The following ALMS1 variants were observed in gnomAD, a reference collection of about 807,000 sequenced individuals.
ALMS1 encodes centrosome-associated protein ALMS1.
In ALMS1, 271 loss-of-function variants were observed where a neutral mutation model predicts 352.2. The ratio of observed to expected loss-of-function variants is 0.77; its 90% CI spans 0.70 to 0.85. The LOEUF is 0.85. ALMS1 is among the 40% of genes least tolerant of loss of function. ALMS1 has a pLI of 0.00. For missense variants in ALMS1, 5,445 were observed against 4,870.7 expected (o/e 1.12, Z -3.51); for synonymous variants, 1,865 against 1,761.2 (o/e 1.06, Z -1.48).
chr2:73,549,488 T>A (rs952820666), intron 12 of ALMS1, among the ~76,000 whole-genome samples: 3 of 152,220 alleles, frequency 2.0e-5, no homozygotes, highest in African/African-American at 7.2e-5. Flanking sequence ...TTTTTTAATA[T>A]CTTCTACCAC....
chr2:73,393,184 A>G (rs1189235571), intron 1 of ALMS1, among the ~76,000 whole-genome samples: 1 of 146,070 alleles, frequency 6.8e-6, no homozygotes, highest in Non-Finnish European at 1.5e-5. Flanking sequence ...ATATATGCAT[A>G]TTACATATAT....
At chr2:73,571,959 G>A (rs901366217) in intron 15 of ALMS1, among the ~76,000 whole-genome samples, 3 of 152,066 alleles carry the variant, frequency 2.0e-5, no homozygotes, top group Non-Finnish European at 2.9e-5. Context: ...CACAGAACAG[G>A]TGGTAAATAC....
At chr2:73,413,653 G>A (rs933433798) in intron 2 of ALMS1, among the ~76,000 whole-genome samples, 2 of 152,108 alleles carry the variant, frequency 1.3e-5, no homozygotes, top group South Asian at 2.1e-4. Context: ...ACTGAGAACC[G>A]CTTTTTCAGA....
chr2:73,540,389 C>T (rs917209978), intron 12 of ALMS1, among the ~76,000 whole-genome samples: 2 of 152,174 alleles, frequency 1.3e-5, no homozygotes, highest in Admixed American at 6.5e-5. Context: ...TGGAAAGGAA[C>T]AACTGGTACC....
intron 9 of ALMS1, among the ~76,000 whole-genome samples, chr2:73,477,357 T>C (rs944962343): frequency 6.6e-6 from 1 of 152,148 alleles, no homozygotes; most frequent in Non-Finnish European, 1.5e-5. Context: ...ACTGTCCTTA[T>C]GCCAGCACTG....
chr2:73,520,615 A>G (rs1408989610), intron 11 of ALMS1, among the ~76,000 whole-genome samples: 1 of 152,166 alleles, frequency 6.6e-6, no homozygotes, highest in Non-Finnish European at 1.5e-5. Context: ...CATATAGGAG[A>G]TGTTTACAGG....
intron 9 of ALMS1, among the ~76,000 whole-genome samples, chr2:73,466,097 C>G (rs554074540): frequency 2.6e-5 from 4 of 152,268 alleles, no homozygotes; most frequent in African/African-American, 7.2e-5. Context: ...GGATCTAGAA[C>G]TGGAAATACC....
chr2:73,391,539 C>T (rs540506118), intron 1 of ALMS1, among the ~76,000 whole-genome samples: 8 of 152,134 alleles, frequency 5.3e-5, no homozygotes, highest in South Asian at 2.1e-4. Context: ...GTGATACACC[C>T]GCCTCGGCCT....
intron 16 of ALMS1, among the ~76,000 whole-genome samples, chr2:73,589,385 T>A (rs922172903): frequency 3.3e-5 from 5 of 152,212 alleles, no homozygotes; most frequent in African/African-American, 4.8e-5. Flanking sequence ...TTCTGTGTCA[T>A]GATAAAGTAC....
intron 12 of ALMS1, among the ~76,000 whole-genome samples, chr2:73,542,566 C>G (rs536540750): frequency 1.9e-4 from 29 of 152,254 alleles, no homozygotes; most frequent in South Asian, 1.0e-3. Flanking sequence ...AAAAGAGGAA[C>G]TCAAATTGTC....
chr2:73,523,992 C>T (rs1673738994), intron 11 of ALMS1, among the ~76,000 whole-genome samples: 1 of 152,094 alleles, frequency 6.6e-6, no homozygotes, highest in African/African-American at 2.4e-5. Flanking sequence ...ATGGTAGCTA[C>T]ATTGAAAATT....
At chr2:73,408,006 C>T (rs1188279561) in intron 1 of ALMS1, among the ~76,000 whole-genome samples, 1 of 151,810 alleles carries the variant, frequency 6.6e-6, no homozygotes, top group Non-Finnish European at 1.5e-5. Flanking sequence ...GTTGTTTCTG[C>T]TTTGTCCTTT....
At chr2:73,396,309 C>CAT (rs376445250) in intron 1 of ALMS1, among the ~76,000 whole-genome samples, 3,874 of 150,164 alleles carry the variant, frequency 0.026, 145 homozygotes, top group African/African-American at 0.083. Context: ...GAAATACACA[C>CAT]ACACACACAC....
intron 9 of ALMS1, among the ~76,000 whole-genome samples, chr2:73,459,673 G>A (rs1381854859): frequency 1.3e-5 from 2 of 152,104 alleles, no homozygotes; most frequent in Admixed American, 1.3e-4. Context: ...ATTTTAAGCT[G>A]GTTCCTGTGT....
At position 73,572,774 on chromosome 2, in the gene ALMS1, G is replaced by T; in HGVS notation, c.10897G>T (p.Ala3633Ser). 6.2e-7 allele frequency: 1 copy of T among 1,614,074 alleles called. No individual in the cohort carries two copies. The highest frequency in any genetic ancestry group is 8.5e-7 in the Non-Finnish European group (1 of 1,180,000). The change falls in exon 16 of 23, where the codon GCT (alanine) becomes TCT (serine). Residue 3633 changes from alanine to serine, a missense_variant. By Grantham distance (99) the Ala-to-Ser change is moderately conservative. Transcript: ENST00000613296. ...CTTGGTGGACCGACTTGATCGTTTG[G>T]CTAAAATTCTTCAGAATCCAATCAC... is the stretch of plus-strand genomic sequence containing the variant. Reference protein sequence around the residue: ...LSLVDRLDRLAKILQNPITHS... With the variant: ...LSLVDRLDRLSKILQNPITHS...
intron 12 of ALMS1, among the ~76,000 whole-genome samples, chr2:73,546,104 T>G (rs2104023909): frequency 6.6e-6 from 1 of 152,296 alleles, no homozygotes; most frequent in Non-Finnish European, 1.5e-5. Context: ...AACATATGCC[T>G]TCCTAAGGTA....
intron 7 of ALMS1, among the ~76,000 whole-genome samples, chr2:73,446,510 A>T (rs1252533686): frequency 6.6e-6 from 1 of 152,098 alleles, no homozygotes; most frequent in Non-Finnish European, 1.5e-5. Flanking sequence ...TGCATGTTAC[A>T]TTTTTAAATT....
intron 2 of ALMS1, among the ~76,000 whole-genome samples, chr2:73,415,699 A>G (rs891823253): frequency 9.2e-5 from 14 of 152,310 alleles, no homozygotes; most frequent in Admixed American, 6.5e-4. Context: ...ATCAATTTAA[A>G]GAAAAGCCAG....
rs193095150 is a variant in ALMS1 at position 73,540,916 on chromosome 2, A to G, written c.9907+5967A>G. ...ACAAAGAGACTTAGACTCCCACACA[A>G]TAATGTGAGGACTTTAACTCCCCAC... On this transcript the variant is annotated intron_variant, in intron 12 of 22. Transcript: ENST00000613296. Among the ~76,000 whole-genome samples, 878 of 152,326 alleles carry G rather than the reference A, an allele frequency of 5.8e-3. 3 individuals are homozygous for G. Among genetic ancestry groups the G allele is most frequent in the Non-Finnish European group, 8.8e-3 (600 of 68,016 alleles).
Sources: allele counts gnomAD v4.1 joint callset (sites outside exome capture counted in the v4.1 genomes callset), GRCh38; gene constraint gnomAD v4.1.1; transcripts MANE v1.5; gene names NCBI Gene and HGNC (gene_info 2026-07-23, HGNC 2026-07-21).